EAF2: variants seen among roughly 807,000 people sequenced by gnomAD.
The protein encoded by EAF2 is ELL-associated factor 2.
Under a neutral mutation model 29.4 loss-of-function variants are expected in EAF2, and 29 were observed. The ratio of observed to expected loss-of-function variants is 0.99; its 90% CI spans 0.73 to 1.35. The LOEUF (loss-of-function observed/expected upper bound fraction) is 1.35, where lower values mean the gene tolerates loss of function less well. Among genes scored for constraint, EAF2 ranks in the 40% most tolerant of loss-of-function variants. The pLI is 0.00. For missense variants in EAF2, 292 were observed against 312.0 expected, an observed-to-expected ratio of 0.94 and a Z score of 0.48; for synonymous variants, 103 against 102.5, an observed-to-expected ratio of 1.00 and a Z score of -0.03.
chr3:121,839,346 C>T (rs1708363450), intron 1 of EAF2, among the ~76,000 whole-genome samples: 1 of 152,130 alleles, frequency 6.6e-6, no homozygotes, highest in East Asian at 1.9e-4. Context: ...CTATGATTCC[C>T]ACTGGTCAGC....
intron 4 of EAF2, among the ~76,000 whole-genome samples, chr3:121,863,863 T>TA (rs557899653): frequency 8.6e-5 from 13 of 152,006 alleles, no homozygotes; most frequent in Admixed American, 4.6e-4. Context: ...CTATTCAGGG[T>TA]AAAAAAAATG....
At chr3:121,886,161 A>G (rs373374661) in intron 5 of EAF2, among the ~76,000 whole-genome samples, 181 bp from the exon 6 acceptor site, 23 of 152,202 alleles carry the variant, frequency 1.5e-4, no homozygotes, top group Middle Eastern at 3.4e-3. Context: ...TTAGTGGTAT[A>G]TTTTTTCTTT....
intron 2 of EAF2, among the ~76,000 whole-genome samples, chr3:121,848,447 G>C (rs1305100078): frequency 6.6e-6 from 1 of 152,142 alleles, no homozygotes; most frequent in African/African-American, 2.4e-5. Context: ...AGTGTATTCT[G>C]CTGCTGTGTG....
chr3:121,837,614 A>G (rs1708327335), intron 1 of EAF2: 1 of 152,228 alleles, frequency 6.6e-6, no homozygotes, highest in Non-Finnish European at 1.5e-5. Context: ...GATAGCATAA[A>G]CAACCTGGAA....
chr3:121,856,339 T>C (rs970961040), intron 3 of EAF2, among the ~76,000 whole-genome samples: 1 of 151,286 alleles, frequency 6.6e-6, no homozygotes, highest in African/African-American at 2.4e-5. Context: ...TTTTTGGTTG[T>C]TGTTTTATTT....
chr3:121,835,226 G>C lies in EAF2; in HGVS notation c.-60G>C, dbSNP rs1321529692. ...GCGGGATCAAGTGCAGCTGCTTCAGGCTGAGGTGGCAGATAGTGAGCGCTG... is the reference window on the plus strand; with the variant it reads ...GCGGGATCAAGTGCAGCTGCTTCAGCCTGAGGTGGCAGATAGTGAGCGCTG... On this transcript the variant is annotated 5_prime_UTR_variant, in exon 1 of 6. Transcript: ENST00000273668. The C allele has an allele frequency of 2.6e-6, 4 of 1,528,740 alleles. No homozygotes were observed. In the African/African-American group the frequency reaches 4.1e-5, roughly 16 times the overall value. 94.7% of individuals were successfully genotyped at this position (1,528,740 alleles called of 1,614,324 possible).
At chr3:121,843,141 A>G (rs533994691) in intron 1 of EAF2, among the ~76,000 whole-genome samples, 1 of 152,290 alleles carries the variant, frequency 6.6e-6, no homozygotes, top group South Asian at 2.1e-4. Flanking sequence ...AGAGGAATGG[A>G]TTTCATTTAT....
At chr3:121,838,831 A>G (rs934880439) in intron 1 of EAF2, among the ~76,000 whole-genome samples, 1 of 152,204 alleles carries the variant, frequency 6.6e-6, no homozygotes, top group Non-Finnish European at 1.5e-5. Context: ...ATTGTCTCTC[A>G]TCTCCTAATA....
intron 4 of EAF2, among the ~76,000 whole-genome samples, chr3:121,866,609 C>A (rs150642544): frequency 6.6e-6 from 1 of 151,890 alleles, no homozygotes; most frequent in Non-Finnish European, 1.5e-5. Context: ...CCTATAATTC[C>A]AGCTACTTGG....
In EAF2 at chr3:121,857,157, G is replaced by A; in HGVS notation, c.484+1G>A. 2 of 1,606,844 alleles carry A rather than the reference G, an allele frequency of 1.2e-6. No individual in the cohort carries two copies. The highest frequency in any genetic ancestry group is 1.7e-6 in the Non-Finnish European group (2 of 1,177,202). On this transcript the variant is annotated splice_donor_variant, in intron 4 of 5. Coordinates refer to ENST00000273668, the MANE Select transcript of EAF2 (RefSeq NM_018456.6). LOFTEE classifies it high-confidence loss of function. ...TCTCCAATAGATGATATCGAAAGAGGTAAAATCTAAGTATATGTAACATCC... is the reference window on the plus strand; with the variant it reads ...TCTCCAATAGATGATATCGAAAGAGATAAAATCTAAGTATATGTAACATCC...
intron 1 of EAF2, among the ~76,000 whole-genome samples, chr3:121,840,148 C>G (rs1322130526): frequency 6.8e-6 from 1 of 146,746 alleles, no homozygotes; most frequent in African/African-American, 2.6e-5. Flanking sequence ...CGAGATCGCG[C>G]CGCTGCCTCC....
intron 2 of EAF2, 52 bp from the exon 3 acceptor site, chr3:121,854,635 A>C: frequency 7.1e-7 from 1 of 1,409,312 alleles, no homozygotes; most frequent in Non-Finnish European, 9.3e-7. Context: ...AGGCCTTCCC[A>C]AGTGAATTCC....
intron 1 of EAF2, among the ~76,000 whole-genome samples, chr3:121,835,678 C>T (rs1390637650): frequency 6.6e-6 from 1 of 152,070 alleles, no homozygotes; most frequent in East Asian, 1.9e-4. Context: ...TGGAGACAGA[C>T]GTGACAGGTG....
rs532990237 is a variant in EAF2 at position 121,844,697 on chromosome 3, C to CA, written c.201+158dup. 2.4e-4 allele frequency: 104 copies of CA among 429,266 alleles called. 1 individual carries two copies. In the Middle Eastern group the frequency reaches 3.2e-3, roughly 13 times the overall value. The allele number at this position is 429,266 out of a possible 1,614,324, so 26.6% of individuals were successfully genotyped here. ...AAACCATATTTTAAACTACTTTAGG[C>CA]AAAAAAAACTTAAAATACTTTAGTC... On this transcript the variant is annotated intron_variant, in intron 2 of 5. Transcript: ENST00000273668.
intron 4 of EAF2, among the ~76,000 whole-genome samples, chr3:121,866,732 T>TA (rs201760675): frequency 0.085 from 12,773 of 150,412 alleles, 699 homozygotes; most frequent in Middle Eastern, 0.13. Flanking sequence ...CTTAAAAAAA[T>TA]AAAAAAAATA....
chr3:121,872,640 C>T lies in EAF2; in HGVS notation c.588C>T (p.Asp196=). Residue 196 remains aspartate, a synonymous_variant, in exon 5 of 6, where the codon GAC becomes GAT. Transcript: ENST00000273668. The part of the protein sequence containing the change: ...SSSSSEDSSS[D]SEDEDCKSST... The stretch of plus-strand genomic sequence containing the variant: ...CAAGTAGTGAGGATAGTTCTAGTGA[C>T]TCAGAAGATGAAGATTGCAAATCCT... 6.2e-7 allele frequency: 1 copy of T among 1,612,942 alleles called. No homozygotes were observed. The highest frequency in any genetic ancestry group is 8.5e-7 in the Non-Finnish European group (1 of 1,179,214).
intron 2 of EAF2, among the ~76,000 whole-genome samples, chr3:121,853,251 G>A (rs767417863): frequency 6.6e-6 from 1 of 152,086 alleles, no homozygotes; most frequent in Middle Eastern, 3.4e-3. Flanking sequence ...ATAATACTTC[G>A]TCCATAGTCA....
intron 2 of EAF2, among the ~76,000 whole-genome samples, chr3:121,852,276 C>A (rs1200389217): frequency 6.6e-6 from 1 of 152,130 alleles, no homozygotes; most frequent in Non-Finnish European, 1.5e-5. Flanking sequence ...ATATCTTGCA[C>A]AAATCTCTTA....
chr3:121,859,935 G>T (rs1708796151), intron 4 of EAF2, among the ~76,000 whole-genome samples: 1 of 152,154 alleles, frequency 6.6e-6, no homozygotes, highest in Admixed American at 6.5e-5. Context: ...ATAATTGTGT[G>T]GTTTTTGTCA....
Sources: gnomAD v4.1 joint callset for allele counts (sites outside exome capture counted in the v4.1 genomes callset) on GRCh38, gnomAD v4.1.1 for gene constraint, MANE v1.5 for transcripts, NCBI Gene and HGNC (gene_info 2026-07-23, HGNC 2026-07-21) for gene names.